The following WDR41 variants were observed in gnomAD, a reference collection of about 807,000 sequenced individuals.
WDR41 encodes the protein WD repeat domain 41, also known as WD repeat-containing protein 41.
A neutral mutation model predicts 69.3 loss-of-function variants in WDR41; 63 were observed. That is an observed-to-expected ratio of 0.91 (90% CI 0.74 to 1.12). The LOEUF (loss-of-function observed/expected upper bound fraction) is 1.12. WDR41 is among the 50% of genes most tolerant of loss of function. WDR41 has a pLI of 0.00. For missense variants in WDR41, 543 were observed against 534.5 expected (o/e 1.02, Z -0.16); for synonymous variants, 185 against 192.1 (o/e 0.96, Z 0.31).
intron 2 of WDR41, among the ~76,000 whole-genome samples, chr5:77,466,558 T>A (rs1800316953): frequency 6.6e-6 from 1 of 151,966 alleles, no homozygotes; most frequent in South Asian, 2.1e-4. Flanking sequence ...TTCTTATGAT[T>A]GTTTTATCAT....
intron 1 of WDR41, among the ~76,000 whole-genome samples, chr5:77,541,892 C>G (rs1743095518): frequency 6.6e-6 from 1 of 152,148 alleles, no homozygotes. Context: ...GGCAGAAATA[C>G]CATTCAACTC....
At position 77,449,866 on chromosome 5, in the gene WDR41, A is replaced by C; in HGVS notation, c.591T>G (p.Ile197Met). Reference sequence around the variant, plus strand: ...CTTCTGTGGGTGCTACCAACCTGAAAATTACTAAATGAAAAAGACAGATAA... The same window carrying C: ...CTTCTGTGGGTGCTACCAACCTGAACATTACTAAATGAAAAAGACAGATAA... The part of the protein sequence containing the change: ...VVAAVGKELI[I>M]FRLVAPTEGS... The change falls in exon 8 of 13, where the codon ATT becomes ATG. Residue 197 changes from isoleucine to methionine, a missense_variant. By Grantham distance (10) the Ile-to-Met change is conservative (BLOSUM62 1). Transcript: ENST00000296679. 6.2e-7 allele frequency: 1 copy of C among 1,603,786 alleles called. No homozygotes were observed. The highest frequency in any genetic ancestry group is 8.5e-7 in the Non-Finnish European group (1 of 1,171,398).
At chr5:77,570,732 A>G (rs1743719015) in intron 1 of WDR41, among the ~76,000 whole-genome samples, 2 of 151,868 alleles carry the variant, frequency 1.3e-5, no homozygotes, top group African/African-American at 4.8e-5. Context: ...AAAGGCTTTT[A>G]AATCATATAT....
chr5:77,514,761 C>T (rs999801276), intron 1 of WDR41, among the ~76,000 whole-genome samples: 15 of 152,170 alleles, frequency 9.9e-5, no homozygotes, highest in Admixed American at 8.5e-4. Flanking sequence ...GCCCATTGCT[C>T]CTAGTCTACC....
intron 1 of WDR41, among the ~76,000 whole-genome samples, chr5:77,504,234 A>G (rs1206545330): frequency 2.0e-5 from 3 of 152,208 alleles, no homozygotes; most frequent in East Asian, 1.9e-4. Flanking sequence ...CTACCATCAG[A>G]GAATACTATA....
intron 1 of WDR41, among the ~76,000 whole-genome samples, chr5:77,616,585 A>C (rs1315478933): frequency 1.3e-5 from 2 of 152,104 alleles, no homozygotes; most frequent in African/African-American, 4.8e-5. Flanking sequence ...GCTGGAGAAA[A>C]TCTTAGTGTG....
chr5:77,566,818 T>G (rs1261261953), intron 1 of WDR41, among the ~76,000 whole-genome samples: 3 of 152,150 alleles, frequency 2.0e-5, no homozygotes, highest in Non-Finnish European at 4.4e-5. Flanking sequence ...AATCAAAGTC[T>G]GTGCACATGT....
At chr5:77,461,995 A>T (rs1180862169) in intron 4 of WDR41, among the ~76,000 whole-genome samples, 1 of 152,244 alleles carries the variant, frequency 6.6e-6, no homozygotes, top group East Asian at 1.9e-4. Context: ...TATGAAGTGC[A>T]GTGGTTCGGG....
At chr5:77,594,496 A>T (rs1266199880) in intron 1 of WDR41, among the ~76,000 whole-genome samples, 2 of 152,202 alleles carry the variant, frequency 1.3e-5, no homozygotes, top group South Asian at 2.1e-4. Context: ...CATTATAAAA[A>T]TGTCTGTGAT....
chr5:77,597,130 A>AT (rs908813866), intron 1 of WDR41, among the ~76,000 whole-genome samples: 1 of 151,902 alleles, frequency 6.6e-6, no homozygotes, highest in African/African-American at 2.4e-5. Context: ...CAAAAAAAAA[A>AT]GAAGAAAAAG....
intron 1 of WDR41, among the ~76,000 whole-genome samples, chr5:77,586,695 T>TA (rs1744044786): frequency 6.9e-6 from 1 of 144,110 alleles, no homozygotes; most frequent in African/African-American, 2.6e-5. Context: ...TGAAATCAAA[T>TA]TTTTTTTTTT....
chr5:77,554,508 C>G (rs1743355605), intron 1 of WDR41, among the ~76,000 whole-genome samples: 1 of 152,016 alleles, frequency 6.6e-6, no homozygotes, highest in East Asian at 1.9e-4. Context: ...AAGTACCTTT[C>G]TAGGAGACAG....
chr5:77,582,029 G>GAA (rs56204214), intron 1 of WDR41, among the ~76,000 whole-genome samples: 1 of 151,878 alleles, frequency 6.6e-6, no homozygotes, highest in South Asian at 2.1e-4. Flanking sequence ...TTTAATTAGA[G>GAA]AAAAAATCAA....
chr5:77,593,236 A>C (rs1410964294), intron 1 of WDR41, among the ~76,000 whole-genome samples: 1 of 152,182 alleles, frequency 6.6e-6, no homozygotes, highest in Non-Finnish European at 1.5e-5. Context: ...TCTAAGGATG[A>C]TCAGAGCCTT....
chr5:77,489,269 G>A lies in WDR41; in HGVS notation c.167+188C>T, dbSNP rs376491928. On this transcript the variant is annotated intron_variant, in intron 2 of 12. Coordinates refer to ENST00000296679, the MANE Select transcript of WDR41 (RefSeq NM_018268.4). ...CACCAGACACGACACCCTGACTTTGGGCAAAAAAGACTCTAGATACATATT... is the reference window on the plus strand; with the variant it reads ...CACCAGACACGACACCCTGACTTTGAGCAAAAAAGACTCTAGATACATATT... Among the ~76,000 whole-genome samples the A allele has an allele frequency of 5.3e-4, 81 of 151,746 alleles. No homozygotes were observed. The South Asian group carries it at 0.016, about 30-fold the overall frequency.
At chr5:77,501,394 C>T (rs770399118) in intron 1 of WDR41, among the ~76,000 whole-genome samples, 16 of 152,364 alleles carry the variant, frequency 1.1e-4, no homozygotes, top group South Asian at 8.3e-4. Context: ...GGGCAGAGCC[C>T]GCCGCAGCTC....
upstream of WDR41, chr5:77,492,386 A>T: frequency 1.1e-6 from 1 of 871,486 alleles, no homozygotes; most frequent in Non-Finnish European, 1.7e-6. Context: ...TTGAGGGAGA[A>T]TTTTTGTCCC....
intron 1 of WDR41, among the ~76,000 whole-genome samples, chr5:77,604,967 T>A (rs951399468): frequency 2.0e-5 from 3 of 152,082 alleles, no homozygotes; most frequent in Admixed American, 2.0e-4. Flanking sequence ...TTTTTAAAAA[T>A]CTCTAGGATA....
intron 2 of WDR41, among the ~76,000 whole-genome samples, chr5:77,474,824 C>G (rs457764): frequency 0.54 from 82,725 of 152,034 alleles, 23,161 homozygotes; most frequent in African/African-American, 0.67. Context: ...CAAGATGGCC[C>G]AATAGGAACA....
Sources: gnomAD v4.1 joint callset for allele counts (sites outside exome capture counted in the v4.1 genomes callset) on GRCh38, gnomAD v4.1.1 for gene constraint, MANE v1.5 for transcripts, NCBI Gene and HGNC (gene_info 2026-07-23, HGNC 2026-07-21) for gene names.